RORA: variants seen among roughly 807,000 people sequenced by gnomAD.
RORA encodes nuclear receptor ROR-alpha.
In RORA, 7 loss-of-function variants were observed where a neutral mutation model predicts 69.5. The observed-to-expected ratio is 0.10, with a 90% confidence interval of 0.06 to 0.19. The LOEUF (loss-of-function observed/expected upper bound fraction) is 0.19. Among genes scored for constraint, RORA ranks in the 10% least tolerant of loss-of-function variants. The pLI is 1.00. For missense variants in RORA, 457 were observed against 663.0 expected (o/e 0.69, Z 3.41); for synonymous variants, 261 against 240.8 (o/e 1.08, Z -0.78).
At chr15:60,871,985 C>T (rs909323603) in intron 1 of RORA, among the ~76,000 whole-genome samples, 9 of 152,176 alleles carry the variant, frequency 5.9e-5, no homozygotes, top group Admixed American at 2.0e-4. Context: ...ATCTTTACAA[C>T]TCTATGCAAA....
intron 1 of RORA, among the ~76,000 whole-genome samples, chr15:60,808,388 A>T (rs2072688021): frequency 6.6e-6 from 1 of 152,150 alleles, no homozygotes; most frequent in Non-Finnish European, 1.5e-5. Context: ...GCAAGAATGG[A>T]CATAATAAAA....
At chr15:60,656,208 G>A (rs915239461) in intron 2 of RORA, among the ~76,000 whole-genome samples, 4 of 152,154 alleles carry the variant, frequency 2.6e-5, no homozygotes, top group South Asian at 4.1e-4. Flanking sequence ...TCGCAGATAC[G>A]GAAACCAGGC....
chr15:60,710,482 C>A (rs566452364), intron 1 of RORA, among the ~76,000 whole-genome samples: 1 of 152,134 alleles, frequency 6.6e-6, no homozygotes, highest in African/African-American at 2.4e-5. Flanking sequence ...GAGCGAAACT[C>A]CATCTCAAAA....
intron 1 of RORA, among the ~76,000 whole-genome samples, chr15:60,766,557 C>G (rs952678811): frequency 3.9e-5 from 6 of 152,104 alleles, no homozygotes; most frequent in Admixed American, 2.0e-4. Context: ...TTGAAAGCAT[C>G]AAAGTTCCCT....
chr15:60,786,842 G>T (rs1171339192), intron 1 of RORA, among the ~76,000 whole-genome samples: 5 of 152,240 alleles, frequency 3.3e-5, no homozygotes, highest in African/African-American at 1.2e-4. Context: ...CTGTGCGAGT[G>T]CAGGTAAAGT....
rs1178413262 is a variant in RORA, at chr15:61,229,103, C to T, written c.116G>A (p.Ser39Asn). The T allele has an allele frequency of 2.6e-6, 4 of 1,539,738 alleles. No homozygotes were observed. The highest frequency in any genetic ancestry group is 4.0e-5 in the Admixed American group (2 of 50,516). Residue 39 changes from serine (S) to asparagine (N), a missense_variant, in exon 1 of 11, where the codon AGC (serine) becomes AAC (asparagine). Ser to Asn is a conservative substitution (Grantham distance 46, BLOSUM62 1). This residue lies in a region of RORA where 119 missense variants were observed against 92.4 expected (regional missense o/e 1.29). Coordinates refer to ENST00000335670, the MANE Select transcript of RORA (RefSeq NM_134261.3). ...TPLNQESARK[S>N]EPPAPVRRQS... ...TCTGCGCACCGGGGCAGGCGGCTCG[C>T]TCTTGCGGGCGGATTCCTGGTTCAG... is the stretch of plus-strand genomic sequence containing the variant.
At chr15:60,622,675 A>C (rs947602774) in intron 2 of RORA, among the ~76,000 whole-genome samples, 5 of 152,216 alleles carry the variant, frequency 3.3e-5, no homozygotes, top group African/African-American at 1.2e-4. Flanking sequence ...GCCTTTTATT[A>C]CCATCATTCT....
chr15:60,519,490 T>C (rs940544437), intron 3 of RORA, among the ~76,000 whole-genome samples: 4 of 152,226 alleles, frequency 2.6e-5, no homozygotes, highest in African/African-American at 9.6e-5. Context: ...TGTTTTGTTT[T>C]TCTGCTTCTC....
At chr15:60,656,435 C>T (rs1347898527) in intron 2 of RORA, among the ~76,000 whole-genome samples, 1 of 152,152 alleles carries the variant, frequency 6.6e-6, no homozygotes, top group African/African-American at 2.4e-5. Context: ...AAAAAACTTA[C>T]TAGACAAAGT....
intron 1 of RORA, among the ~76,000 whole-genome samples, chr15:60,729,485 C>A (rs904900291): frequency 6.6e-6 from 1 of 152,214 alleles, no homozygotes; most frequent in Admixed American, 6.5e-5. Context: ...CATTTATGTA[C>A]CTGAGCCTCC....
At chr15:61,167,466 A>T in intron 1 of RORA, among the ~76,000 whole-genome samples, 1 of 139,128 alleles carries the variant, frequency 7.2e-6, no homozygotes. Context: ...TAAAGGATGC[A>T]AATAATTTGA....
At chr15:60,612,254 C>T (rs1215127043) in intron 2 of RORA, among the ~76,000 whole-genome samples, 1 of 151,850 alleles carries the variant, frequency 6.6e-6, no homozygotes, top group African/African-American at 2.4e-5. Context: ...TTTTTGCTTG[C>T]CTTTTTTCCC....
intron 1 of RORA, among the ~76,000 whole-genome samples, chr15:61,208,526 A>C (rs893843920): frequency 9.2e-5 from 14 of 152,220 alleles, no homozygotes; most frequent in African/African-American, 2.9e-4. Flanking sequence ...TTGTATACTT[A>C]AGATGGGTGA....
Position 61,132,498 on chromosome 15 carries a change from A to G in RORA, c.166+96555T>C, listed in dbSNP as rs148145105. Reference sequence around the variant, plus strand: ...ATAAAAGACTTTTATCCTTCTTTTCAATATTATTTTTATAGTAATCACAAG... The same window carrying G: ...ATAAAAGACTTTTATCCTTCTTTTCGATATTATTTTTATAGTAATCACAAG... On this transcript the variant is annotated intron_variant, in intron 1 of 10. Coordinates refer to ENST00000335670, the MANE Select transcript of RORA (RefSeq NM_134261.3). 6.0e-3 allele frequency among the ~76,000 whole-genome samples: 913 copies of G among 152,310 alleles called. 13 individuals carry two copies. Among genetic ancestry groups the G allele is most frequent in the African/African-American group, 0.021 (854 of 41,560 alleles).
chr15:60,907,406 C>T (rs1388193302), intron 1 of RORA, among the ~76,000 whole-genome samples: 1 of 152,164 alleles, frequency 6.6e-6, no homozygotes, highest in African/African-American at 2.4e-5. Flanking sequence ...AGGGGCCATC[C>T]ACTCAGACCA....
intron 1 of RORA, among the ~76,000 whole-genome samples, chr15:60,739,870 T>C (rs1484979512): frequency 6.6e-6 from 1 of 152,216 alleles, no homozygotes; most frequent in African/African-American, 2.4e-5. Context: ...CTTCTCGTGC[T>C]CTTTTTCCCA....
chr15:60,510,757 T>C (rs1054230347), intron 5 of RORA, among the ~76,000 whole-genome samples: 2 of 152,182 alleles, frequency 1.3e-5, no homozygotes, highest in African/African-American at 2.4e-5. Context: ...CTAAAAAAGC[T>C]GAACTTTTGG....
chr15:60,802,958 A>T (rs1482055), intron 1 of RORA, among the ~76,000 whole-genome samples: 109,430 of 147,264 alleles, frequency 0.74, 40,041 homozygotes, highest in Admixed American at 0.81. Flanking sequence ...TTTCTTTTTT[A>T]AAAAAAAAAA....
rs187303704 is a variant in RORA, at chr15:60,804,405, A to C, written c.167-125719T>G. Among the ~76,000 whole-genome samples the C allele has an allele frequency of 5.3e-3, 800 of 151,928 alleles. 3 individuals carry two copies. The highest frequency in any genetic ancestry group is 0.023 in the South Asian group (110 of 4,800). On this transcript the variant is annotated intron_variant, in intron 1 of 10. Transcript: ENST00000335670. Reference sequence around the variant, plus strand: ...ATTTAGTGCTCCCAACAACTTCTGGAGGCCCACACGAATCCTCTTCATTTG... The same window carrying C: ...ATTTAGTGCTCCCAACAACTTCTGGCGGCCCACACGAATCCTCTTCATTTG...
Sources: allele counts gnomAD v4.1 joint callset (sites outside exome capture counted in the v4.1 genomes callset), GRCh38; gene constraint gnomAD v4.1.1; regional missense constraint gnomAD v4.1.1; transcripts MANE v1.5; gene names NCBI Gene and HGNC (gene_info 2026-07-23, HGNC 2026-07-21).